TNRC6A: variants seen among roughly 807,000 people sequenced by gnomAD.
TNRC6A encodes trinucleotide repeat containing adaptor 6A.
TNRC6A carries 44 observed loss-of-function variants against 221.2 expected under a neutral mutation model. That is an observed-to-expected ratio of 0.20 (90% CI 0.16 to 0.26). The LOEUF (loss-of-function observed/expected upper bound fraction) is 0.26, where lower values mean the gene tolerates loss of function less well. Ranked by LOEUF, TNRC6A falls within the 10% of genes least tolerant of loss-of-function variation. The pLI is 1.00. For synonymous variants in TNRC6A, 847 were observed against 838.5 expected, an observed-to-expected ratio of 1.01 and a Z score of -0.18; for missense variants, 2,199 against 2,404.4, an observed-to-expected ratio of 0.91 and a Z score of 1.79.
At chr16:24,616,342 A>AAAAG (rs1567300110) in intron 1 of TNRC6A, among the ~76,000 whole-genome samples, 2 of 144,858 alleles carry the variant, frequency 1.4e-5, no homozygotes, top group Admixed American at 1.4e-4. Flanking sequence ...AAAAAAAAAA[A>AAAAG]AAGAAGAAGA....
rs1555502170 is a variant in TNRC6A at position 24,771,582 on chromosome 16, T to TTGTGATGTGATGTTATGTTATGTTA, written c.164-5348_164-5347insGATGTGATGTTATGTTATGTTATGT. On this transcript the variant is annotated intron_variant, in intron 4 of 24. Transcript: ENST00000395799. ...ATGTTTTATGTTATGTTATGTTATG[T>TTGTGATGTGATGTTATGTTATGTTA]TGTTATGTTATGTTATGTTATGTTA... Among the ~76,000 whole-genome samples, 21 of 95,554 alleles carry TTGTGATGTGATGTTATGTTATGTTA rather than the reference T, an allele frequency of 2.2e-4. No individual in the cohort carries two copies. In the South Asian group the frequency reaches 6.5e-3, roughly 30 times the overall value. 62.7% of individuals were successfully genotyped at this position (95,554 alleles called of 152,430 possible).
At chr16:24,722,855 G>A (rs975462294) in intron 2 of TNRC6A, among the ~76,000 whole-genome samples, 1 of 152,190 alleles carries the variant, frequency 6.6e-6, no homozygotes, top group Non-Finnish European at 1.5e-5. Context: ...AGGAAGAGAA[G>A]ACAAAGAAAG....
intron 2 of TNRC6A, among the ~76,000 whole-genome samples, chr16:24,692,021 T>G (rs2142136277): frequency 6.6e-6 from 1 of 152,216 alleles, no homozygotes; most frequent in African/African-American, 2.4e-5. Context: ...AAAAAAAGAA[T>G]GAGTGAATAG....
chr16:24,660,004 A>G (rs1400093259), intron 2 of TNRC6A, among the ~76,000 whole-genome samples: 2 of 152,092 alleles, frequency 1.3e-5, no homozygotes, highest in African/African-American at 4.8e-5. Flanking sequence ...AGCTATAGTC[A>G]TATGTTAGTC....
At chr16:24,709,021 C>G (rs1432055392) in intron 2 of TNRC6A, among the ~76,000 whole-genome samples, 2 of 152,148 alleles carry the variant, frequency 1.3e-5, no homozygotes, top group Non-Finnish European at 2.9e-5. Flanking sequence ...CTTTGGGAGG[C>G]TGAGGCAGGC....
intron 2 of TNRC6A, among the ~76,000 whole-genome samples, chr16:24,652,761 A>G (rs370083887): frequency 6.6e-6 from 1 of 152,194 alleles, no homozygotes; most frequent in Non-Finnish European, 1.5e-5. Flanking sequence ...CTGTCTTTAC[A>G]TTAGAGAAAC....
intron 5 of TNRC6A, among the ~76,000 whole-genome samples, chr16:24,782,762 G>C (rs1360322028): frequency 2.0e-5 from 3 of 152,000 alleles, no homozygotes; most frequent in Non-Finnish European, 2.9e-5. Flanking sequence ...GGCTCCTGTA[G>C]TCCCAGCTAC....
intron 1 of TNRC6A, among the ~76,000 whole-genome samples, chr16:24,635,335 T>G (rs188182479): frequency 6.6e-6 from 1 of 152,054 alleles, no homozygotes; most frequent in Non-Finnish European, 1.5e-5. Context: ...CAGGCTTGAG[T>G]GCAGTGGCTC....
intron 2 of TNRC6A, among the ~76,000 whole-genome samples, chr16:24,704,727 A>G (rs1281423179): frequency 2.0e-5 from 3 of 151,304 alleles, no homozygotes; most frequent in African/African-American, 7.3e-5. Flanking sequence ...AAGTGAGTAT[A>G]AGGGGGTATA....
intron 4 of TNRC6A, among the ~76,000 whole-genome samples, chr16:24,761,624 C>T (rs568375418): frequency 4.6e-5 from 7 of 151,932 alleles, no homozygotes; most frequent in Non-Finnish European, 7.4e-5. Context: ...TAGCTCACTG[C>T]GGCCTTGAAC....
chr16:24,775,949 G>C (rs1042827524), intron 4 of TNRC6A, among the ~76,000 whole-genome samples: 3 of 152,194 alleles, frequency 2.0e-5, no homozygotes, highest in Admixed American at 6.5e-5. Flanking sequence ...AATAGCCACT[G>C]TTTATATAGC....
chr16:24,718,340 G>T (rs1473385012), intron 2 of TNRC6A, among the ~76,000 whole-genome samples: 2 of 152,106 alleles, frequency 1.3e-5, no homozygotes, highest in Admixed American at 1.3e-4. Flanking sequence ...TATTTCTATT[G>T]GTACTTGACT....
At chr16:24,684,219 T>G (rs921594513) in intron 2 of TNRC6A, among the ~76,000 whole-genome samples, 1 of 151,386 alleles carries the variant, frequency 6.6e-6, no homozygotes, top group East Asian at 2.0e-4. Flanking sequence ...GGCAACACAA[T>G]GAGACCTCAA....
Position 24,718,557 on chromosome 16 carries a change from AG to A in TNRC6A, n.403-32166del, listed in dbSNP as rs111403296. On this transcript the variant is annotated intron_variant and non_coding_transcript_variant, in intron 2 of 2. Coordinates refer to the TNRC6A transcript ENST00000566108. ...ATTCACTATTGCTGAAGCACAATATAGGGATTGTCAGAAATATGCCAGGTTA... is the reference window on the plus strand; with the variant it reads ...ATTCACTATTGCTGAAGCACAATATAGGATTGTCAGAAATATGCCAGGTTA... Among the ~76,000 whole-genome samples, 13 of 152,344 alleles carry A rather than the reference AG, an allele frequency of 8.5e-5. 1 individual carries two copies. The highest frequency in any genetic ancestry group is 2.6e-4 in the African/African-American group (11 of 41,586).
intron 2 of TNRC6A, among the ~76,000 whole-genome samples, chr16:24,672,815 A>G (rs1413598464): frequency 6.6e-6 from 1 of 152,122 alleles, no homozygotes; most frequent in Non-Finnish European, 1.5e-5. Flanking sequence ...TTACTTGTAG[A>G]TATACTTACA....
At chr16:24,669,004 G>T (rs1208448826) in intron 2 of TNRC6A, among the ~76,000 whole-genome samples, 1 of 151,678 alleles carries the variant, frequency 6.6e-6, no homozygotes, top group African/African-American at 2.4e-5. Flanking sequence ...TTCATGGCAA[G>T]TGATGCTAAT....
chr16:24,672,792 T>C (rs2055334084), intron 2 of TNRC6A, among the ~76,000 whole-genome samples: 1 of 152,312 alleles, frequency 6.6e-6, no homozygotes, highest in African/African-American at 2.4e-5. Context: ...AGAAGTGTCA[T>C]GATGCCTGTA....
intron 1 of TNRC6A, among the ~76,000 whole-genome samples, chr16:24,625,737 C>CAAAAAAAAAAAAAAA (rs749882396): frequency 2.1e-4 from 5 of 24,016 alleles, no homozygotes; most frequent in Admixed American, 5.3e-4. Context: ...CGTCTCAAAA[C>CAAAAAAAAAAAAAAA]AAAAAAAAAA....
rs917454309 is a variant in TNRC6A at position 24,823,570 on chromosome 16, C to T, written c.5652C>T (p.Ser1884=). The stretch of plus-strand genomic sequence containing the variant: ...GGTCCAGCCAGAGCCGGCTGGGCTC[C>T]CTCGACTGTTCCCACTCATTCTCCA... ...SLGSSQSRLG[S]LDCSHSFSSR... Residue 1884 remains serine (S), a synonymous_variant, in exon 25 of 25, where the codon TCC becomes TCT. Coordinates refer to ENST00000395799, the MANE Select transcript of TNRC6A (RefSeq NM_014494.4). The surrounding 1 kb of genome is among the most constrained non-coding windows in gnomAD (Gnocchi z 4.3). The T allele has an allele frequency of 8.1e-6, 13 of 1,614,060 alleles. No homozygotes were observed. In the Admixed American group the frequency reaches 1.3e-4, roughly 17 times the overall value.
Sources: allele counts gnomAD v4.1 joint callset (sites outside exome capture counted in the v4.1 genomes callset), GRCh38; gene constraint gnomAD v4.1.1; non-coding constraint Gnocchi (gnomAD v3.1); transcripts MANE v1.5; gene names NCBI Gene and HGNC (gene_info 2026-07-23, HGNC 2026-07-21).